Variants in MYLK4 observed in about 807,000 individuals in gnomAD.
The protein encoded by MYLK4 is myosin light chain kinase family member 4, also known as caMLCK like.
Under a neutral mutation model 48.1 loss-of-function variants are expected in MYLK4, and 46 were observed. The ratio of observed to expected loss-of-function variants is 0.96; its 90% CI spans 0.75 to 1.22. The LOEUF is 1.22. Ranked by LOEUF, MYLK4 falls within the 50% of genes most tolerant of loss-of-function variation. MYLK4 has a pLI of 0.00. For synonymous variants in MYLK4, 170 were observed against 180.8 expected, an observed-to-expected ratio of 0.94 and a Z score of 0.48; for missense variants, 451 against 486.1, an observed-to-expected ratio of 0.93 and a Z score of 0.68.
chr6:2,691,065 C>G (rs1159494610), intron 3 of MYLK4, among the ~76,000 whole-genome samples: 1 of 152,048 alleles, frequency 6.6e-6, no homozygotes, highest in Non-Finnish European at 1.5e-5. Context: ...CTCCTGACCT[C>G]GTGATCCAAC....
chr6:2,762,846 G>A, the MYLK4 span, among the ~76,000 whole-genome samples: 5 of 152,154 alleles, frequency 3.3e-5, no homozygotes, highest in South Asian at 2.1e-4. Flanking sequence ...TAAGTTAGCC[G>A]TTCCTGCCAG....
At chr6:2,740,166 T>C (rs1180744367) in intron 2 of MYLK4, among the ~76,000 whole-genome samples, 1 of 152,224 alleles carries the variant, frequency 6.6e-6, no homozygotes, top group African/African-American at 2.4e-5. Flanking sequence ...GGGTCTCCAC[T>C]GTAAAGTGGA....
chr6:2,690,481 C>A (rs1046522531), intron 3 of MYLK4, among the ~76,000 whole-genome samples: 1 of 152,130 alleles, frequency 6.6e-6, no homozygotes, highest in African/African-American at 2.4e-5. Context: ...CTCAAAGTTT[C>A]AAGAAGAAAA....
intron 2 of MYLK4, among the ~76,000 whole-genome samples, chr6:2,717,014 G>A (rs752655215): frequency 6.6e-6 from 1 of 152,136 alleles, no homozygotes; most frequent in Non-Finnish European, 1.5e-5. Flanking sequence ...AGGCCTTAAT[G>A]GAGAAGTGGT....
At chr6:2,764,404 A>C in the MYLK4 span, among the ~76,000 whole-genome samples, 3 of 152,138 alleles carry the variant, frequency 2.0e-5, no homozygotes, top group African/African-American at 7.2e-5. Context: ...CGACAGAACG[A>C]GTGAGACCCT....
chr6:2,706,779 G>A (rs1014132294), intron 2 of MYLK4, among the ~76,000 whole-genome samples: 3 of 152,146 alleles, frequency 2.0e-5, no homozygotes, highest in East Asian at 1.9e-4. Flanking sequence ...CCTCCTTCAC[G>A]GAGAACATGC....
rs1177973887 is a variant in MYLK4, at chr6:2,663,750, C to T, written c.*4175G>A. ...AGTACGTTCAGAAATTTAAAATATACATGATAGACACAATCACCACGTTAT... is the reference window on the plus strand; with the variant it reads ...AGTACGTTCAGAAATTTAAAATATATATGATAGACACAATCACCACGTTAT... On this transcript the variant is annotated 3_prime_UTR_variant, in exon 13 of 13. Transcript: ENST00000274643. 6.6e-6 allele frequency: 1 copy of T among 152,518 alleles called. No homozygotes were observed. The highest frequency in any genetic ancestry group is 2.4e-5 in the African/African-American group (1 of 41,354). 9.4% of individuals were successfully genotyped at this position (152,518 alleles called of 1,614,324 possible).
intron 12 of MYLK4, among the ~76,000 whole-genome samples, chr6:2,669,923 T>C (rs1316751815): frequency 2.6e-5 from 4 of 152,250 alleles, no homozygotes; most frequent in African/African-American, 9.6e-5. Context: ...AGTGTTTTCC[T>C]AGCACTGATG....
At chr6:2,712,355 G>C (rs1762702882) in intron 2 of MYLK4, among the ~76,000 whole-genome samples, 1 of 152,184 alleles carries the variant, frequency 6.6e-6, no homozygotes, top group Admixed American at 6.5e-5. Flanking sequence ...AATTCCAGAA[G>C]ATAGGCCACA....
the MYLK4 span, among the ~76,000 whole-genome samples, chr6:2,756,378 A>G: frequency 6.6e-6 from 1 of 152,218 alleles, no homozygotes; most frequent in African/African-American, 2.4e-5. Context: ...ATATGTCATT[A>G]TTATTTTTTG....
intron 2 of MYLK4, among the ~76,000 whole-genome samples, chr6:2,743,056 A>C (rs1763952444): frequency 6.6e-6 from 1 of 152,152 alleles, no homozygotes; most frequent in Non-Finnish European, 1.5e-5. Flanking sequence ...ACAGAGGTAC[A>C]AACAATGCAT....
chr6:2,724,642 A>G (rs1277640533), intron 2 of MYLK4, among the ~76,000 whole-genome samples: 3 of 151,816 alleles, frequency 2.0e-5, no homozygotes, highest in Admixed American at 1.3e-4. Flanking sequence ...AGCCTACTCC[A>G]AAGTGCATTT....
At chr6:2,701,746 C>T (rs1032250604) in intron 2 of MYLK4, among the ~76,000 whole-genome samples, 2 of 152,240 alleles carry the variant, frequency 1.3e-5, no homozygotes, top group South Asian at 2.1e-4. Flanking sequence ...CTCCTGGGAA[C>T]CTGCTAGCAA....
chr6:2,694,739 G>T (rs964972646), intron 2 of MYLK4, among the ~76,000 whole-genome samples: 1 of 151,868 alleles, frequency 6.6e-6, no homozygotes, highest in Non-Finnish European at 1.5e-5. Context: ...TTAACTGGTT[G>T]CTCCTGCTAA....
intron 3 of MYLK4, among the ~76,000 whole-genome samples, chr6:2,690,812 T>A (rs1221386818): frequency 6.8e-6 from 1 of 147,996 alleles, no homozygotes; most frequent in East Asian, 2.0e-4. Flanking sequence ...GAAGCAATAA[T>A]CTCTCTGAAT....
chr6:2,768,745 G>T, the MYLK4 span: 1 of 1,613,982 alleles, frequency 6.2e-7, no homozygotes, highest in Non-Finnish European at 8.5e-7. Context: ...CATAAGGTTT[G>T]TGACATTATC....
In MYLK4 at chr6:2,739,883, C is replaced by T. The variant is rs192900874; in HGVS notation, c.159+9253G>A. 2.3e-3 allele frequency among the ~76,000 whole-genome samples: 353 copies of T among 152,314 alleles called. 2 individuals are homozygous for T. Among genetic ancestry groups the T allele is most frequent in the Admixed American group, 5.0e-3 (76 of 15,306 alleles). On this transcript the variant is annotated intron_variant, in intron 2 of 12. Coordinates refer to ENST00000274643, the MANE Select transcript of MYLK4 (RefSeq NM_001012418.5). ...ACTTTATTTGGCCCTAAGAGCAACC[C>T]TGTGCAGTAGAGGGGGCTGCAGAAA...
intron 2 of MYLK4, among the ~76,000 whole-genome samples, chr6:2,693,109 A>G (rs1761879297): frequency 6.6e-6 from 1 of 152,206 alleles, no homozygotes; most frequent in Admixed American, 6.5e-5. Context: ...GCTGAAAACT[A>G]CTATATTATA....
At chr6:2,767,420 C>T in the MYLK4 span, among the ~76,000 whole-genome samples, 5 of 152,326 alleles carry the variant, frequency 3.3e-5, no homozygotes, top group South Asian at 4.1e-4. Flanking sequence ...TGATTTTTCT[C>T]CTATTTTTCT....
Sources: gnomAD v4.1 joint callset for allele counts (sites outside exome capture counted in the v4.1 genomes callset) on GRCh38, gnomAD v4.1.1 for gene constraint, MANE v1.5 for transcripts, NCBI Gene and HGNC (gene_info 2026-07-23, HGNC 2026-07-21) for gene names.